The following TGM6 variants were observed in gnomAD, a reference collection of about 807,000 sequenced individuals.
The protein encoded by TGM6 is protein-glutamine gamma-glutamyltransferase 6.
In TGM6, 74 loss-of-function variants were observed where a neutral mutation model predicts 77.5. That is an observed-to-expected ratio of 0.96 (90% CI 0.79 to 1.16). TGM6 has a LOEUF of 1.16. TGM6 is among the 50% of genes most tolerant of loss of function. TGM6 has a pLI of 0.00. For missense variants in TGM6, 968 were observed against 940.2 expected (o/e 1.03, Z -0.39); for synonymous variants, 383 against 378.9 (o/e 1.01, Z -0.12).
chr20:2,408,188 G>C (rs566019978), intron 9 of TGM6, among the ~76,000 whole-genome samples: 1 of 152,288 alleles, frequency 6.6e-6, no homozygotes, highest in South Asian at 2.1e-4. Context: ...GTATTCTATA[G>C]ATGAAATGAC....
chr20:2,385,748 C>T (rs984374903), intron 1 of TGM6, among the ~76,000 whole-genome samples: 2 of 152,190 alleles, frequency 1.3e-5, no homozygotes, highest in Admixed American at 6.5e-5. Flanking sequence ...CCCAAGGACG[C>T]TGCAGAGCAT....
At chr20:2,402,865 C>T (rs1010278423) in intron 7 of TGM6, among the ~76,000 whole-genome samples, 8 of 152,232 alleles carry the variant, frequency 5.3e-5, no homozygotes, top group Admixed American at 5.2e-4. Context: ...GCTCCTTGAA[C>T]ACACAAGGCC....
chr20:2,412,483 A>G (rs998000968), intron 9 of TGM6, among the ~76,000 whole-genome samples: 19 of 134,562 alleles, frequency 1.4e-4, no homozygotes, highest in African/African-American at 6.7e-4. Context: ...AAGATGGTAA[A>G]TTTTATGTTA....
chr20:2,408,926 T>A (rs1396324653), intron 9 of TGM6, among the ~76,000 whole-genome samples: 1 of 151,848 alleles, frequency 6.6e-6, no homozygotes, highest in Non-Finnish European at 1.5e-5. Context: ...AGGGAAAGAG[T>A]TTAGGGACTG....
intron 1 of TGM6, among the ~76,000 whole-genome samples, chr20:2,383,883 G>T (rs547509843): frequency 6.6e-6 from 1 of 151,986 alleles, no homozygotes; most frequent in Non-Finnish European, 1.5e-5. Context: ...CAAGGTGAGC[G>T]GATCATGAGG....
At chr20:2,385,967 C>T (rs2122325812) in intron 1 of TGM6, among the ~76,000 whole-genome samples, 1 of 152,314 alleles carries the variant, frequency 6.6e-6, no homozygotes, top group East Asian at 1.9e-4. Flanking sequence ...CACAGCATCC[C>T]TGATCACAGA....
At chr20:2,414,233 C>A (rs1271372492) in intron 9 of TGM6, among the ~76,000 whole-genome samples, 1 of 152,016 alleles carries the variant, frequency 6.6e-6, no homozygotes, top group Non-Finnish European at 1.5e-5. Flanking sequence ...AATAAATAAT[C>A]CAATTTTAAA....
chr20:2,398,089 T>A (rs377289743), intron 5 of TGM6, 43 bp downstream of exon 5: 59 of 1,613,798 alleles, frequency 3.7e-5, no homozygotes, highest in Non-Finnish European at 4.8e-5. Flanking sequence ...TCCTCAAGGA[T>A]CCCCCAGCCA....
chr20:2,426,637 T>C (rs1374875383), intron 10 of TGM6, among the ~76,000 whole-genome samples: 4 of 152,162 alleles, frequency 2.6e-5, no homozygotes, highest in Non-Finnish European at 5.9e-5. Context: ...ATAAGGACAA[T>C]GTTTGCTGTA....
At position 2,403,785 on chromosome 20, in the gene TGM6, C is replaced by A; in HGVS notation, c.1298C>A (p.Ser433Tyr). 6.2e-7 allele frequency: 1 copy of A among 1,614,180 alleles called. No homozygotes were observed. The highest frequency in any genetic ancestry group is 8.5e-7 in the Non-Finnish European group (1 of 1,180,046). Residue 433 changes from serine (S) to tyrosine (Y), a missense_variant, in exon 9 of 13, where the codon TCC (serine) becomes TAC (tyrosine). Transcript: ENST00000202625. ...CISTKAVGSD[S>Y]RVDITDLYKY... ...AGCACCAAGGCGGTGGGCAGTGACT[C>A]CCGCGTGGACATCACTGACCTCTAC...
At chr20:2,413,222 G>T (rs757129379) in intron 9 of TGM6, among the ~76,000 whole-genome samples, 11 of 152,152 alleles carry the variant, frequency 7.2e-5, no homozygotes, top group Non-Finnish European at 1.6e-4. Context: ...CTTCAGGCCA[G>T]CTGGGCAACA....
chr20:2,426,899 AT>A (rs2084891559), intron 10 of TGM6, among the ~76,000 whole-genome samples: 1 of 152,038 alleles, frequency 6.6e-6, no homozygotes, highest in African/African-American at 2.4e-5. Context: ...TGTTAATTCA[AT>A]TTACCAATAT....
chr20:2,409,450 G>A (rs117446689), intron 9 of TGM6, among the ~76,000 whole-genome samples: 654 of 152,248 alleles, frequency 4.3e-3, no homozygotes, highest in Non-Finnish European at 6.4e-3. Flanking sequence ...GGTGGCTCAC[G>A]CCTATAATCT....
intron 10 of TGM6, among the ~76,000 whole-genome samples, chr20:2,428,280 T>C (rs912346891): frequency 7.9e-5 from 12 of 152,178 alleles, no homozygotes; most frequent in Admixed American, 5.9e-4. Flanking sequence ...ACCATTGTTC[T>C]AGGGAAAGGG....
At chr20:2,431,118 G>C in intron 12 of TGM6, 91 bp downstream of exon 12, 3 of 1,555,410 alleles carry the variant, frequency 1.9e-6, no homozygotes, top group Non-Finnish European at 2.6e-6. Flanking sequence ...GGGTGTGAGA[G>C]AGATTCTGGA....
intron 10 of TGM6, 40 bp downstream of exon 10, chr20:2,417,613 C>A: frequency 6.4e-7 from 1 of 1,563,498 alleles, no homozygotes; most frequent in Non-Finnish European, 8.6e-7. Flanking sequence ...GCCAAACCAC[C>A]TCCTTTTTCA....
At chr20:2,407,275 C>G (rs1264726852) in intron 9 of TGM6, among the ~76,000 whole-genome samples, 4 of 152,168 alleles carry the variant, frequency 2.6e-5, no homozygotes, top group African/African-American at 9.7e-5. Context: ...ACTTGCTAAG[C>G]AAAATGGTAA....
At chr20:2,383,407 G>A (rs2084569338) in intron 1 of TGM6, among the ~76,000 whole-genome samples, 1 of 152,188 alleles carries the variant, frequency 6.6e-6, no homozygotes, top group South Asian at 2.1e-4. Flanking sequence ...AGGAGGCAAT[G>A]TTCTGCACAT....
intron 10 of TGM6, among the ~76,000 whole-genome samples, chr20:2,427,226 C>T (rs1233896994): frequency 6.6e-6 from 1 of 152,080 alleles, no homozygotes; most frequent in East Asian, 1.9e-4. Context: ...TGAATTTTAG[C>T]AGATTTTTTT....
Sources: allele counts gnomAD v4.1 joint callset (sites outside exome capture counted in the v4.1 genomes callset), GRCh38; gene constraint gnomAD v4.1.1; transcripts MANE v1.5; gene names NCBI Gene and HGNC (gene_info 2026-07-23, HGNC 2026-07-21).